Variants in LPIN1 observed in about 807,000 individuals in gnomAD.
The protein encoded by LPIN1 is lipin 1.
Under a neutral mutation model 107.5 loss-of-function variants are expected in LPIN1, and 71 were observed. The observed-to-expected ratio is 0.66, with a 90% CI of 0.55 to 0.80. LPIN1 has a LOEUF of 0.80. LPIN1 is among the 30% of genes least tolerant of loss of function. The pLI is 0.00. For synonymous variants in LPIN1, 445 were observed against 452.6 expected (o/e 0.98, Z 0.21); for missense variants, 1,043 against 1,160.6 (o/e 0.90, Z 1.47).
rs187425526 is a variant in LPIN1, at chr2:11,767,954, G to T, written c.288+96G>T. 4.8e-6 allele frequency: 4 copies of T among 826,874 alleles called. No homozygotes were observed. In the East Asian group the frequency reaches 7.7e-5, roughly 16 times the overall value. The allele number at this position is 826,874 out of a possible 1,614,324, so 51.2% of individuals were successfully genotyped here. On this transcript the variant is annotated intron_variant, in intron 3 of 20. Transcript: ENST00000674199. ...GCAGAAGTTTGTGCAAAGTAATACC[G>T]GCCGTGGCTGTGTGGACGATGGGGC...
chr2:11,685,829 A>G (rs1661973678), intron 1 of LPIN1, among the ~76,000 whole-genome samples: 2 of 152,160 alleles, frequency 1.3e-5, no homozygotes, highest in African/African-American at 4.8e-5. Flanking sequence ...CTCGTTCCAG[A>G]GATTTCCCTC....
At chr2:11,789,409 A>G (rs1675256285) in intron 12 of LPIN1, among the ~76,000 whole-genome samples, 3 of 151,510 alleles carry the variant, frequency 2.0e-5, no homozygotes, top group Admixed American at 2.0e-4. Flanking sequence ...ATGCTTGTGC[A>G]GGTGTGTGCC....
At chr2:11,690,106 T>C (rs967781451) in intron 1 of LPIN1, among the ~76,000 whole-genome samples, 5 of 152,280 alleles carry the variant, frequency 3.3e-5, no homozygotes, top group South Asian at 2.1e-4. Flanking sequence ...TCAGTTATTG[T>C]TTTCAGTAAA....
intron 17 of LPIN1, among the ~76,000 whole-genome samples, chr2:11,811,334 G>A (rs1679611517): frequency 6.6e-6 from 1 of 152,228 alleles, no homozygotes; most frequent in Non-Finnish European, 1.5e-5. Context: ...GGGCACCATG[G>A]AGACTTAGTG....
intron 17 of LPIN1, among the ~76,000 whole-genome samples, chr2:11,807,502 T>C (rs1378278143): frequency 6.6e-6 from 1 of 151,640 alleles, no homozygotes; most frequent in Non-Finnish European, 1.5e-5. Flanking sequence ...ACAAGCCCTG[T>C]TGCTTTTTAA....
chr2:11,735,803 C>G lies in LPIN1; in HGVS notation c.-71-5546C>G, dbSNP rs926664566. On this transcript the variant is annotated intron_variant, in intron 1 of 21. Transcript: ENST00000396097. ...GATATGATTTGTTAGCAAATTCAGT[C>G]TTTTTCTGCTTTCCTAATTCATTCT... 7.6e-4 allele frequency among the ~76,000 whole-genome samples: 116 copies of G among 152,348 alleles called. 1 individual carries two copies. The highest frequency in any genetic ancestry group is 2.7e-3 in the African/African-American group (113 of 41,582).
chr2:11,788,940 C>T (rs373623599), intron 12 of LPIN1, among the ~76,000 whole-genome samples: 2 of 152,186 alleles, frequency 1.3e-5, no homozygotes, highest in South Asian at 4.1e-4. Context: ...GGACAGCTCC[C>T]AGTCTGCAGG....
At chr2:11,794,651 G>A (rs991207612) in intron 13 of LPIN1, among the ~76,000 whole-genome samples, 2 of 152,082 alleles carry the variant, frequency 1.3e-5, no homozygotes, top group African/African-American at 4.8e-5. Context: ...CAGAGAAAGA[G>A]ATTTAGTCGT....
At chr2:11,696,694 T>A (rs1316042651) in intron 1 of LPIN1, among the ~76,000 whole-genome samples, 1 of 152,122 alleles carries the variant, frequency 6.6e-6, no homozygotes, top group Admixed American at 6.5e-5. Flanking sequence ...ACTGCCTACA[T>A]GGTGATGCAA....
rs1682398640 is a variant in LPIN1 at position 11,826,517 on chromosome 2, A to AC, written c.*1726_*1727insC. The AC allele has an allele frequency of 6.7e-6, 1 of 149,706 alleles. No individual in the cohort carries two copies. Among genetic ancestry groups the AC allele is most frequent in the Admixed American group, 6.6e-5 (1 of 15,054 alleles). The allele number at this position is 149,706 out of a possible 1,614,324, so 9.3% of individuals were successfully genotyped here. On this transcript the variant is annotated 3_prime_UTR_variant, in exon 21 of 21. Coordinates refer to ENST00000674199, the MANE Select transcript of LPIN1 (RefSeq NM_001349206.2). ...TGACAGAGTAAGACTCCATGTCAAA[A>AC]AAAAAAAAAAAAAAAAAAAAGTCCT...
chr2:11,812,272 T>C (rs1679798160), intron 17 of LPIN1, among the ~76,000 whole-genome samples: 2 of 152,224 alleles, frequency 1.3e-5, no homozygotes, highest in African/African-American at 4.8e-5. Flanking sequence ...ACGGGGGTTG[T>C]AGCAAAGAAT....
At chr2:11,746,612 G>C (rs886054795), upstream of LPIN1, 1 of 985,208 alleles carries the variant, frequency 1.0e-6, no homozygotes, top group Non-Finnish European at 1.2e-6. Context: ...GAGCTGCGCT[G>C]ACAGCCGGCG....
chr2:11,720,671 G>A (rs560025307), upstream of LPIN1, among the ~76,000 whole-genome samples: 2 of 152,154 alleles, frequency 1.3e-5, no homozygotes, highest in Non-Finnish European at 2.9e-5. Context: ...ATGCAGTGCG[G>A]CTTAAGCTTA....
chr2:11,816,798 G>A (rs1680655912), intron 18 of LPIN1: 1 of 149,686 alleles, frequency 6.7e-6, no homozygotes, highest in African/African-American at 2.5e-5. Flanking sequence ...TGCAGAACAT[G>A]CAGGTTTTTT....
chr2:11,785,334 TC>T (rs1306214708), intron 10 of LPIN1, among the ~76,000 whole-genome samples: 2 of 152,180 alleles, frequency 1.3e-5, no homozygotes, highest in African/African-American at 4.8e-5. Context: ...AGAGATGGCC[TC>T]CAGAGGCCTG....
rs916413781 is a variant in LPIN1, at chr2:11,786,390, G to T, written c.1550-684G>T. 2.6e-5 allele frequency among the ~76,000 whole-genome samples: 4 copies of T among 152,108 alleles called. No individual in the cohort carries two copies. The highest frequency in any genetic ancestry group is 1.9e-4 in the East Asian group (1 of 5,164). On this transcript the variant is annotated intron_variant, in intron 10 of 20. Coordinates refer to ENST00000674199, the MANE Select transcript of LPIN1 (RefSeq NM_001349206.2). The surrounding 1 kb of genome is among the most constrained non-coding windows in gnomAD (Gnocchi z 4.1). ...CTGGGCCAGGGAGATGGTCAGAACCGCGGTCAAGGCTTAAGGTACAGCCCA... is the reference window on the plus strand; with the variant it reads ...CTGGGCCAGGGAGATGGTCAGAACCTCGGTCAAGGCTTAAGGTACAGCCCA...
intron 7 of LPIN1, among the ~76,000 whole-genome samples, chr2:11,781,715 C>T (rs1278441574): frequency 6.6e-6 from 1 of 152,100 alleles, no homozygotes; most frequent in Non-Finnish European, 1.5e-5. Context: ...GTGCAGCGTG[C>T]ACCCAGACCG....
At chr2:11,804,337 C>G in intron 15 of LPIN1, 86 bp from the exon 16 acceptor site, 1 of 1,459,892 alleles carries the variant, frequency 6.8e-7, no homozygotes, top group Non-Finnish European at 9.6e-7. Flanking sequence ...AAGCCGAATC[C>G]TGCTTCTCAT....
intron 14 of LPIN1, among the ~76,000 whole-genome samples, chr2:11,795,903 A>G (rs1676630918): frequency 6.6e-6 from 1 of 152,210 alleles, no homozygotes; most frequent in Non-Finnish European, 1.5e-5. Flanking sequence ...TTAAATACTG[A>G]CCAGGACTTA....
Sources: allele counts gnomAD v4.1 joint callset (sites outside exome capture counted in the v4.1 genomes callset), GRCh38; gene constraint gnomAD v4.1.1; non-coding constraint Gnocchi (gnomAD v3.1); transcripts MANE v1.5; gene names NCBI Gene and HGNC (gene_info 2026-07-23, HGNC 2026-07-21).